The following TAF12 variants were observed in gnomAD, a reference collection of about 807,000 sequenced individuals.
TAF12 encodes TATA-box binding protein associated factor 12.
TAF12 carries 3 observed loss-of-function variants against 20.8 expected under a neutral mutation model. The ratio of observed to expected loss-of-function variants is 0.14; its 90% CI spans 0.07 to 0.37. The LOEUF (loss-of-function observed/expected upper bound fraction) is 0.37, where lower values mean the gene tolerates loss of function less well. TAF12 is among the 10% of genes least tolerant of loss of function. The pLI is 1.00. For missense variants in TAF12, 131 were observed against 197.9 expected (o/e 0.66, Z 2.03); for synonymous variants, 69 against 70.2 (o/e 0.98, Z 0.09).
intron 3 of TAF12, among the ~76,000 whole-genome samples, chr1:28,617,573 A>G (rs1255733652): frequency 6.6e-6 from 1 of 151,362 alleles, no homozygotes. Context: ...CAGCCTCCCG[A>G]GTAGCTGGGA....
chr1:28,617,879 C>T lies in TAF12; in HGVS notation c.246+74G>A, dbSNP rs940931262. 128 of 1,419,582 alleles carry T rather than the reference C, an allele frequency of 9.0e-5. 2 individuals are homozygous for T. The South Asian group carries it at 1.2e-3, about 13-fold the overall frequency. The allele number at this position is 1,419,582 out of a possible 1,614,324, so 87.9% of individuals were successfully genotyped here. A position where few individuals can be genotyped will look rare whatever the true frequency, so the allele number is the denominator to read the frequency against. On this transcript the variant is annotated intron_variant, in intron 3 of 5. Coordinates refer to ENST00000373824, the MANE Select transcript of TAF12 (RefSeq NM_005644.4). ...AAAGGCATGAGCCACTGCATCTGGCCTGTTTGTGCTCTTAACCACTATGCT... is the reference window on the plus strand; with the variant it reads ...AAAGGCATGAGCCACTGCATCTGGCTTGTTTGTGCTCTTAACCACTATGCT...
At chr1:28,643,219 C>G (rs760445307), upstream of TAF12, 63 of 616,310 alleles carry the variant, frequency 1.0e-4, no homozygotes, top group Non-Finnish European at 1.2e-4. Context: ...GTAGGTACAC[C>G]CTGCAGCTTG....
chr1:28,605,279 G>C, intron 5 of TAF12, 93 bp downstream of exon 5: 1 of 1,341,892 alleles, frequency 7.5e-7, no homozygotes, highest in Non-Finnish European at 1.1e-6. Context: ...TGGAGGAAGC[G>C]AGGCCCCCTA....
At chr1:28,614,356 G>A (rs1666961972) in intron 3 of TAF12, among the ~76,000 whole-genome samples, 1 of 152,004 alleles carries the variant, frequency 6.6e-6, no homozygotes, top group Admixed American at 6.6e-5. Flanking sequence ...TTGAGGTCAG[G>A]AGTTTGAGAC....
At chr1:28,613,030 G>T (rs977389985) in intron 4 of TAF12, among the ~76,000 whole-genome samples, 1 of 152,214 alleles carries the variant, frequency 6.6e-6, no homozygotes, top group Non-Finnish European at 1.5e-5. Flanking sequence ...GATACAACTA[G>T]AAAGTGGCAG....
intron 3 of TAF12, among the ~76,000 whole-genome samples, chr1:28,616,595 G>A (rs1667051333): frequency 6.6e-6 from 1 of 151,246 alleles, no homozygotes; most frequent in South Asian, 2.1e-4. Flanking sequence ...TTAGCCAGGT[G>A]TGGTGGCACA....
Position 28,636,707 on chromosome 1 carries a change from G to A in TAF12, c.-85+6285C>T, listed in dbSNP as rs117611496. ...TCCCAGCTACTTGGGAGGTTAAGGC[G>A]GGAGGATCACTTGAGCCCAGGAGGT... On this transcript the variant is annotated intron_variant, in intron 1 of 5. Coordinates refer to ENST00000373824, the MANE Select transcript of TAF12 (RefSeq NM_005644.4). Among the ~76,000 whole-genome samples the A allele has an allele frequency of 1.0e-3, 152 of 152,070 alleles. 3 individuals carry two copies. In the East Asian group the frequency reaches 0.021, roughly 21 times the overall value.
chr1:28,620,935 A>C (rs1667202118), intron 2 of TAF12, among the ~76,000 whole-genome samples: 1 of 152,188 alleles, frequency 6.6e-6, no homozygotes, highest in Non-Finnish European at 1.5e-5. Context: ...AAATCTTAGA[A>C]TTGGTCATCC....
intron 3 of TAF12, among the ~76,000 whole-genome samples, chr1:28,617,607 C>T (rs1457423885): frequency 5.9e-5 from 9 of 151,942 alleles, no homozygotes; most frequent in African/African-American, 1.9e-4. Flanking sequence ...CCACCATGCC[C>T]GGCTAATTTT....
intron 1 of TAF12, among the ~76,000 whole-genome samples, chr1:28,638,376 A>C (rs1336376024): frequency 6.6e-6 from 1 of 151,608 alleles, no homozygotes; most frequent in Non-Finnish European, 1.5e-5. Context: ...TTTAGTAGAG[A>C]TGGGGTTTCT....
At chr1:28,616,855 C>A (rs1375695583) in intron 3 of TAF12, among the ~76,000 whole-genome samples, 1 of 152,132 alleles carries the variant, frequency 6.6e-6, no homozygotes, top group African/African-American at 2.4e-5. Flanking sequence ...CACGGTGACT[C>A]ACACCTGTAA....
chr1:28,636,346 G>A (rs557191110), intron 1 of TAF12, among the ~76,000 whole-genome samples: 1 of 149,202 alleles, frequency 6.7e-6, no homozygotes, highest in South Asian at 2.1e-4. Flanking sequence ...AACAACAAAA[G>A]GTAGTATAGT....
chr1:28,638,504 T>C (rs1404099250), intron 1 of TAF12, among the ~76,000 whole-genome samples: 1 of 148,160 alleles, frequency 6.7e-6, no homozygotes, highest in Non-Finnish European at 1.5e-5. Flanking sequence ...TTTTTTTTTT[T>C]TTTTGAGACA....
At chr1:28,638,239 G>C (rs1478687102) in intron 1 of TAF12, among the ~76,000 whole-genome samples, 1 of 151,390 alleles carries the variant, frequency 6.6e-6, no homozygotes, top group African/African-American at 2.4e-5. Context: ...ACCCAGGCTG[G>C]AGTGCAAAGG....
At chr1:28,625,093 A>G (rs1476355700) in intron 1 of TAF12, among the ~76,000 whole-genome samples, 3 of 152,252 alleles carry the variant, frequency 2.0e-5, no homozygotes, top group Non-Finnish European at 1.5e-5. Flanking sequence ...ATCAAACTGT[A>G]TCCTCATCAC....
At chr1:28,640,308 T>C (rs1667989385) in intron 1 of TAF12, among the ~76,000 whole-genome samples, 1 of 152,254 alleles carries the variant, frequency 6.6e-6, no homozygotes, top group Non-Finnish European at 1.5e-5. Flanking sequence ...TAATATGTTA[T>C]AGTCCTTGAC....
intron 5 of TAF12, among the ~76,000 whole-genome samples, chr1:28,604,663 T>TTTACAAAC (rs1557454760): frequency 6.6e-6 from 1 of 152,202 alleles, no homozygotes; most frequent in Non-Finnish European, 1.5e-5. Context: ...GCTCCAGAGA[T>TTTACAAAC]ACCAGGCTAT....
chr1:28,616,665 T>C (rs1016956603), intron 3 of TAF12, among the ~76,000 whole-genome samples: 9 of 148,492 alleles, frequency 6.1e-5, no homozygotes, highest in African/African-American at 1.7e-4. Context: ...ACCCCCGGGA[T>C]GCAGAGGTTG....
chr1:28,646,212 G>A (rs1668181506), upstream of TAF12: 2 of 152,232 alleles, frequency 1.3e-5, no homozygotes, highest in African/African-American at 4.8e-5. Context: ...AGGAGTTCCA[G>A]GCTGCAGTGA....
Sources: gnomAD v4.1 joint callset for allele counts (sites outside exome capture counted in the v4.1 genomes callset) on GRCh38, gnomAD v4.1.1 for gene constraint, MANE v1.5 for transcripts, NCBI Gene and HGNC (gene_info 2026-07-23, HGNC 2026-07-21) for gene names.